RAD51: variants seen among roughly 807,000 people sequenced by gnomAD.
RAD51 encodes the protein DNA repair protein RAD51 homolog 1.
In RAD51, 14 loss-of-function variants were observed where a neutral mutation model predicts 41.5. That is an observed-to-expected ratio of 0.34 (90% CI 0.22 to 0.53). RAD51 has a LOEUF of 0.53. RAD51 is among the 20% of genes least tolerant of loss of function. The pLI, the probability that RAD51 is intolerant of heterozygous loss-of-function variation, is 0.95. For missense variants in RAD51, 234 were observed against 422.0 expected, an observed-to-expected ratio of 0.55 and a Z score of 3.90; for synonymous variants, 136 against 148.6, an observed-to-expected ratio of 0.92 and a Z score of 0.62.
chr15:40,729,704 G>A, intron 8 of RAD51, 70 bp downstream of exon 8: 4 of 1,611,710 alleles, frequency 2.5e-6, no homozygotes, highest in Middle Eastern at 1.9e-4. Context: ...CTTGCTAGGA[G>A]GCTAAGACAT....
At chr15:40,719,831 CA>C (rs34847467) in intron 6 of RAD51, among the ~76,000 whole-genome samples, 7 of 146,808 alleles carry the variant, frequency 4.8e-5, no homozygotes, top group South Asian at 4.3e-4. Context: ...GAATCCGTCT[CA>C]AAAAAAAAAG....
intron 4 of RAD51, among the ~76,000 whole-genome samples, chr15:40,707,176 T>TTTTTTTG (rs1895401618): frequency 6.8e-6 from 1 of 147,122 alleles, no homozygotes; most frequent in Non-Finnish European, 1.5e-5. Context: ...TTTTTTTTTT[T>TTTTTTTG]GAGTCGGGGC....
intron 6 of RAD51, among the ~76,000 whole-genome samples, chr15:40,724,532 G>A (rs966424543): frequency 1.3e-5 from 2 of 151,860 alleles, no homozygotes; most frequent in Non-Finnish European, 2.9e-5. Context: ...TTAGAGACGG[G>A]TCTCACTCTG....
At chr15:40,696,524 A>C (rs943452363) in intron 1 of RAD51, among the ~76,000 whole-genome samples, 4 of 152,186 alleles carry the variant, frequency 2.6e-5, no homozygotes, top group African/African-American at 7.2e-5. Flanking sequence ...AGCTGTGATC[A>C]GGCCACTGCA....
In RAD51 at chr15:40,728,762, G is replaced by T; in HGVS notation, c.582G>T (p.Ala194=). 6.2e-7 allele frequency: 1 copy of T among 1,614,056 alleles called. No individual in the cohort carries two copies. Among genetic ancestry groups the T allele is most frequent in the Non-Finnish European group, 8.5e-7 (1 of 1,180,004 alleles). ...DVLDNVAYAR[A]FNTDHQTQLL... ...TGGATAATGTAGCATATGCTCGAGC[G>T]TTCAACACAGACCACCAGACCCAGC... The change falls in exon 7 of 10, where the codon GCG becomes GCT. Residue 194 remains alanine, a synonymous_variant. Transcript: ENST00000267868.
intron 2 of RAD51, among the ~76,000 whole-genome samples, chr15:40,699,969 A>C (rs1481034628): frequency 6.6e-6 from 1 of 152,098 alleles, no homozygotes; most frequent in African/African-American, 2.4e-5. Context: ...TAGGAGTGCA[A>C]AAGGCTAATA....
chr15:40,706,787 A>G (rs149558720), intron 4 of RAD51, among the ~76,000 whole-genome samples: 21 of 152,336 alleles, frequency 1.4e-4, no homozygotes, highest in Non-Finnish European at 2.8e-4. Flanking sequence ...TACTAAACTT[A>G]TCTGCAAATT....
intron 4 of RAD51, 125 bp from the exon 5 acceptor site, chr15:40,708,900 G>T (rs538405623): frequency 7.9e-6 from 7 of 887,420 alleles, no homozygotes; most frequent in Non-Finnish European, 1.3e-5. Flanking sequence ...AAAAATTATC[G>T]CTTGTTGGAA....
At chr15:40,725,713 A>G (rs12442560) in intron 6 of RAD51, among the ~76,000 whole-genome samples, 99,039 of 152,026 alleles carry the variant, frequency 0.65, 32,925 homozygotes, top group East Asian at 0.93. Flanking sequence ...CCAGGGCCAG[A>G]CACGGTGGCT....
chr15:40,727,442 G>A (rs1896644029), intron 6 of RAD51, among the ~76,000 whole-genome samples: 1 of 151,918 alleles, frequency 6.6e-6, no homozygotes, highest in Non-Finnish European at 1.5e-5. Context: ...CCAAGTAGCT[G>A]AGAAGCAGGG....
At chr15:40,727,692 A>G (rs1390239675) in intron 6 of RAD51, among the ~76,000 whole-genome samples, 2 of 151,246 alleles carry the variant, frequency 1.3e-5, no homozygotes, top group East Asian at 3.9e-4. Context: ...TTTTTTTTTC[A>G]CCATACATTC....
At chr15:40,714,928 C>T (rs1384641241) in intron 5 of RAD51, among the ~76,000 whole-genome samples, 1 of 152,220 alleles carries the variant, frequency 6.6e-6, no homozygotes, top group Admixed American at 6.6e-5. Context: ...AATTCCAGCA[C>T]TTTGGGAGGC....
At chr15:40,714,384 G>T (rs1202111654) in intron 5 of RAD51, among the ~76,000 whole-genome samples, 2 of 152,110 alleles carry the variant, frequency 1.3e-5, no homozygotes, top group African/African-American at 2.4e-5. Flanking sequence ...TTTTGACAGG[G>T]ACTTATGTAG....
chr15:40,731,049 G>C lies in RAD51; in HGVS notation c.897-6G>C. On this transcript the variant is annotated splice_region_variant and splice_polypyrimidine_tract_variant and intron_variant, in intron 9 of 9. Transcript: ENST00000267868. ...ATTGGTGCTTTGGTCTGTGTCTTTG[G>C]GTCAGATTGTATCTGAGGAAAGGAA... 1 of 1,613,996 alleles carries C rather than the reference G, an allele frequency of 6.2e-7. No individual in the cohort carries two copies. The highest frequency in any genetic ancestry group is 8.5e-7 in the Non-Finnish European group (1 of 1,179,966).
chr15:40,706,409 G>C (rs1472284743), intron 4 of RAD51, 115 bp downstream of exon 4: 1 of 942,080 alleles, frequency 1.1e-6, no homozygotes, highest in Non-Finnish European at 1.7e-6. Context: ...TAAAGAGATA[G>C]AGGAAGGCCA....
chr15:40,702,346 G>A (rs1348371381), intron 3 of RAD51, among the ~76,000 whole-genome samples: 1 of 152,078 alleles, frequency 6.6e-6, no homozygotes, highest in East Asian at 1.9e-4. Flanking sequence ...TTTGCCTTGC[G>A]AGATCTTGGT....
At chr15:40,719,398 T>TA (rs34016485) in intron 6 of RAD51, among the ~76,000 whole-genome samples, 12 of 149,432 alleles carry the variant, frequency 8.0e-5, no homozygotes, top group African/African-American at 1.2e-4. Flanking sequence ...AGACTGGATT[T>TA]AAAAAAAAAA....
intron 6 of RAD51, 127 bp downstream of exon 6, chr15:40,719,026 A>G: frequency 1.2e-6 from 1 of 840,966 alleles, no homozygotes; most frequent in Admixed American, 2.0e-5. Context: ...TGTGGTTCAA[A>G]AGAATGACTT....
chr15:40,720,288 T>C (rs1461339756), intron 6 of RAD51, among the ~76,000 whole-genome samples: 2 of 152,120 alleles, frequency 1.3e-5, no homozygotes, highest in Non-Finnish European at 2.9e-5. Flanking sequence ...TTCTCCATGT[T>C]GGCCAGGCTG....
Sources: allele counts gnomAD v4.1 joint callset (sites outside exome capture counted in the v4.1 genomes callset), GRCh38; gene constraint gnomAD v4.1.1; transcripts MANE v1.5; gene names NCBI Gene and HGNC (gene_info 2026-07-23, HGNC 2026-07-21).